The following TRHDE variants were observed in gnomAD, a reference collection of about 807,000 sequenced individuals.
TRHDE encodes thyrotropin-releasing hormone-degrading ectoenzyme.
In TRHDE, 72 loss-of-function variants were observed where a neutral mutation model predicts 125.7. The ratio of observed to expected loss-of-function variants is 0.57; its 90% CI spans 0.47 to 0.70. The LOEUF (loss-of-function observed/expected upper bound fraction) is 0.70. Among genes scored for constraint, TRHDE ranks in the 30% least tolerant of loss-of-function variants. The pLI, the probability that TRHDE is intolerant of heterozygous loss-of-function variation, is 0.00. For synonymous variants in TRHDE, 509 were observed against 509.1 expected (o/e 1.00, Z 0.00); for missense variants, 1,110 against 1,327.1 (o/e 0.84, Z 2.54).
At chr12:72,137,660 C>T (rs1014295748) in intron 2 of TRHDE, 3 of 152,190 alleles carry the variant, frequency 2.0e-5, no homozygotes, top group Admixed American at 6.5e-5. Context: ...CTTTGCTGCT[C>T]TTCAGAGTAT....
At chr12:72,637,247 G>T (rs532654590) in intron 15 of TRHDE, among the ~76,000 whole-genome samples, 1 of 152,064 alleles carries the variant, frequency 6.6e-6, no homozygotes, top group African/African-American at 2.4e-5. Context: ...TGTTTGTGTC[G>T]AGGCATTTAT....
At chr12:72,230,693 G>A (rs1878230481) in intron 2 of TRHDE, among the ~76,000 whole-genome samples, 2 of 151,984 alleles carry the variant, frequency 1.3e-5, no homozygotes, top group Non-Finnish European at 2.9e-5. Flanking sequence ...GATTGCAAAA[G>A]CTCTCAGGAC....
chr12:72,419,689 A>G (rs1873872870), intron 3 of TRHDE, among the ~76,000 whole-genome samples: 1 of 152,202 alleles, frequency 6.6e-6, no homozygotes, highest in African/African-American at 2.4e-5. Context: ...ATTAGGGATT[A>G]CATTTGGTGG....
chr12:72,577,480 T>G (rs999899893), intron 12 of TRHDE, among the ~76,000 whole-genome samples: 3 of 152,086 alleles, frequency 2.0e-5, no homozygotes, highest in African/African-American at 2.4e-5. Context: ...CTAAGCTGCT[T>G]CTTAGAAGTA....
chr12:72,137,652 T>G (rs959396147), intron 2 of TRHDE: 2 of 152,208 alleles, frequency 1.3e-5, no homozygotes. Flanking sequence ...GTGCTCTTCT[T>G]TGCTGCTCTT....
intron 18 of TRHDE, among the ~76,000 whole-genome samples, chr12:72,662,331 T>C (rs1818746225): frequency 1.3e-5 from 2 of 152,170 alleles, no homozygotes; most frequent in Non-Finnish European, 2.9e-5. Context: ...TCTTGGAGTA[T>C]TTCCAGAGTA....
chr12:72,232,172 G>C (rs1878259594), intron 2 of TRHDE, among the ~76,000 whole-genome samples: 1 of 152,190 alleles, frequency 6.6e-6, no homozygotes. Flanking sequence ...GGAAGTGCCA[G>C]GGTCAGTCAG....
chr12:72,623,179 A>C (rs1873121520), intron 15 of TRHDE, among the ~76,000 whole-genome samples: 2 of 152,080 alleles, frequency 1.3e-5, no homozygotes, highest in African/African-American at 2.4e-5. Flanking sequence ...TTTTATTAAA[A>C]TCCATATCAT....
chr12:72,341,085 A>G (rs767865677), intron 2 of TRHDE, among the ~76,000 whole-genome samples: 3 of 150,200 alleles, frequency 2.0e-5, no homozygotes, highest in African/African-American at 7.3e-5. Flanking sequence ...TGTTTCTAAA[A>G]CTTGGAACCT....
intron 2 of TRHDE, chr12:72,255,957 C>A (rs898897721): frequency 7.2e-5 from 11 of 152,208 alleles, no homozygotes; most frequent in African/African-American, 2.2e-4. Context: ...CTCACCACCC[C>A]TCTACTACCA....
chr12:72,322,558 A>G (rs1018547731), intron 2 of TRHDE, among the ~76,000 whole-genome samples: 4 of 151,926 alleles, frequency 2.6e-5, no homozygotes, highest in Non-Finnish European at 5.9e-5. Context: ...ATGGGTTGAC[A>G]AAAATGCGAC....
At chr12:72,432,150 G>C (rs1874517147) in intron 3 of TRHDE, 1 of 152,394 alleles carries the variant, frequency 6.6e-6, no homozygotes, top group Non-Finnish European at 1.5e-5. Context: ...CAGCATTACA[G>C]AGACTGTGTG....
rs1466613092 is a variant in TRHDE, at chr12:72,652,232, T to C, written c.2676-90T>C. On this transcript the variant is annotated intron_variant, in intron 15 of 18. Coordinates refer to ENST00000261180, the MANE Select transcript of TRHDE (RefSeq NM_013381.3). ...TTAGCAAAATAATCTTTTAAAAAAC[T>C]GACTGTAGTAAATAAAGCAAAACCT... 3 of 889,430 alleles carry C rather than the reference T, an allele frequency of 3.4e-6. No individual in the cohort carries two copies. In the Admixed American group the frequency reaches 9.6e-5, roughly 29 times the overall value. The allele number at this position is 889,430 out of a possible 1,614,324, so 55.1% of individuals were successfully genotyped here.
chr12:72,254,645 G>T (rs1414636242), intron 2 of TRHDE: 1 of 152,098 alleles, frequency 6.6e-6, no homozygotes, highest in African/African-American at 2.4e-5. Flanking sequence ...CAATGGAAAA[G>T]AAAAGAATGT....
chr12:72,152,638 C>T (rs1281395710), intron 2 of TRHDE, among the ~76,000 whole-genome samples: 1 of 152,222 alleles, frequency 6.6e-6, no homozygotes, highest in Non-Finnish European at 1.5e-5. Flanking sequence ...GCCTTTTCTG[C>T]ATCTATTGAG....
At chr12:72,478,903 T>C (rs1392263499) in intron 5 of TRHDE, among the ~76,000 whole-genome samples, 1 of 121,754 alleles carries the variant, frequency 8.2e-6, no homozygotes, top group Non-Finnish European at 1.6e-5. Flanking sequence ...ACTGAATAGA[T>C]ATTAATACTT....
chr12:72,303,070 C>T (rs1868285945), intron 2 of TRHDE: 1 of 152,150 alleles, frequency 6.6e-6, no homozygotes, highest in Non-Finnish European at 1.5e-5. Flanking sequence ...GTGACTCCTT[C>T]TGGAGGTGTG....
chr12:72,469,106 G>A (rs1417190162), intron 3 of TRHDE, among the ~76,000 whole-genome samples: 1 of 151,444 alleles, frequency 6.6e-6, no homozygotes, highest in Non-Finnish European at 1.5e-5. Flanking sequence ...CATAGGTGAG[G>A]GAATTGTGGT....
intron 2 of TRHDE, among the ~76,000 whole-genome samples, chr12:72,224,684 G>C (rs901769994): frequency 2.0e-5 from 3 of 152,002 alleles, no homozygotes; most frequent in Non-Finnish European, 4.4e-5. Context: ...CTCAAAGATA[G>C]CAATCAACAA....
Sources: gnomAD v4.1 joint callset for allele counts (sites outside exome capture counted in the v4.1 genomes callset) on GRCh38, gnomAD v4.1.1 for gene constraint, MANE v1.5 for transcripts, NCBI Gene and HGNC (gene_info 2026-07-23, HGNC 2026-07-21) for gene names.